GPR143: variants seen among roughly 807,000 people sequenced by gnomAD.
GPR143 encodes the protein G protein-coupled receptor 143, also known as G-protein coupled receptor 143.
GPR143 carries 8 observed loss-of-function variants against 27.6 expected under a neutral mutation model. The observed-to-expected ratio is 0.29, with a 90% CI of 0.17 to 0.52. The LOEUF is 0.52. Ranked by LOEUF, GPR143 falls within the 20% of genes least tolerant of loss-of-function variation. The probability of loss-of-function intolerance (pLI) is 0.96; values close to 1 mark genes in which losing one functional copy is unlikely to be tolerated. For missense variants in GPR143, 303 were observed against 343.1 expected, an observed-to-expected ratio of 0.88 and a Z score of 0.92; for synonymous variants, 156 against 153.2, an observed-to-expected ratio of 1.02 and a Z score of -0.13.
intron 3 of GPR143, among the ~76,000 whole-genome samples, chrX:9,749,642 C>G (rs1189607188): frequency 8.9e-6 from 1 of 112,488 alleles, no homozygotes; most frequent in Non-Finnish European, 1.9e-5. Context: ...TTTTAATATT[C>G]TGTTGAGGCA....
intron 7 of GPR143, chrX:9,741,112 A>G (rs1473501745): frequency 1.7e-5 from 5 of 291,216 alleles, no homozygotes; most frequent in Non-Finnish European, 3.0e-5. Context: ...AGATAATTAA[A>G]AAAAGAGATG....
At chrX:9,760,932 G>A in intron 1 of GPR143, 106 bp from the exon 2 acceptor site, 1 of 474,020 alleles carries the variant, frequency 2.1e-6, no homozygotes, top group Non-Finnish European at 3.8e-6. Context: ...GATAGGAAGA[G>A]AGGAAGGAAG....
intron 6 of GPR143, among the ~76,000 whole-genome samples, chrX:9,742,531 G>A (rs1242329331): frequency 8.9e-6 from 1 of 111,951 alleles, no homozygotes; most frequent in Non-Finnish European, 1.9e-5. Flanking sequence ...CACGACCCGC[G>A]CAGGTGAATT....
intron 6 of GPR143, among the ~76,000 whole-genome samples, chrX:9,742,457 G>T: frequency 1.8e-5 from 2 of 110,928 alleles, no homozygotes; most frequent in African/African-American, 6.6e-5. Flanking sequence ...GTATCGCCCA[G>T]GATGGTTTTG....
chrX:9,740,448 TTTC>T (rs1405836977), intron 7 of GPR143, among the ~76,000 whole-genome samples: 2 of 112,845 alleles, frequency 1.8e-5, no homozygotes, highest in Admixed American at 1.9e-4. Context: ...CACGTGTGCA[TTTC>T]TTCTTATAAA....
intron 6 of GPR143, 85 bp from the exon 7 acceptor site, chrX:9,741,540 A>G (rs1275664052): frequency 3.7e-6 from 2 of 541,688 alleles, no homozygotes; most frequent in Non-Finnish European, 6.7e-6. Context: ...AAGAATTTCT[A>G]CCAAGACCTA....
intron 1 of GPR143, among the ~76,000 whole-genome samples, chrX:9,778,581 A>C (rs2083578408): frequency 9.2e-6 from 1 of 109,060 alleles, no homozygotes; most frequent in African/African-American, 3.3e-5. Context: ...ATCTGACCTT[A>C]AATGTATCCA....
At chrX:9,733,993 T>C (rs2083367308) in intron 8 of GPR143, among the ~76,000 whole-genome samples, 1 of 105,280 alleles carries the variant, frequency 9.5e-6, no homozygotes, top group African/African-American at 3.5e-5. Context: ...GGCAGGAGAA[T>C]CATTTGAACC....
chrX:9,770,323 AAGAGAGAG>A (rs201287124), upstream of GPR143, among the ~76,000 whole-genome samples: 1,472 of 88,988 alleles, frequency 0.017, 15 homozygotes, highest in Non-Finnish European at 0.021. Flanking sequence ...AAGAAAGAAA[AAGAGAGAG>A]AGAGAGAGAG....
chrX:9,739,824 C>G (rs1251338647), intron 7 of GPR143, 105 bp from the exon 8 acceptor site: 2 of 578,093 alleles, frequency 3.5e-6, no homozygotes, highest in Non-Finnish European at 5.8e-6. Context: ...GCCCACAGGG[C>G]TGGACTCGCT....
At chrX:9,746,262 A>G (rs1230072313) in intron 4 of GPR143, 109 bp from the exon 5 acceptor site, 1 of 529,788 alleles carries the variant, frequency 1.9e-6, no homozygotes, top group Admixed American at 2.6e-5. Context: ...AGGGAAATGC[A>G]TAAATCTGCT....
intron 8 of GPR143, among the ~76,000 whole-genome samples, chrX:9,732,865 C>CAAA (rs34622284): frequency 6.2e-4 from 30 of 48,082 alleles, no homozygotes; most frequent in Non-Finnish European, 8.1e-4. Flanking sequence ...AACTCCATCT[C>CAAA]AAAAAAAAAA....
intron 2 of GPR143, 73 bp from the exon 3 acceptor site, chrX:9,759,499 C>T: frequency 1.4e-6 from 1 of 697,665 alleles, no homozygotes; most frequent in Non-Finnish European, 2.2e-6. Context: ...CTTGAGACGG[C>T]AGGGTAGACA....
Position 9,743,622 on chromosome X carries a change from C to T in GPR143, c.710G>A (p.Arg237Lys). ...TCGGATCTTGATCACGGCTCCCATCCTCCTCTCGTTCTCCGTGTAAATGCC... is the reference window on the plus strand; with the variant it reads ...TCGGATCTTGATCACGGCTCCCATCTTCCTCTCGTTCTCCGTGTAAATGCC... Reference protein sequence around the residue: ...RQGIYTENERRMGAVIKIRFF... With the variant: ...RQGIYTENERKMGAVIKIRFF... Residue 237 changes from arginine (R) to lysine (K), a missense_variant, in exon 6 of 9, where the codon AGG becomes AAG. Coordinates refer to ENST00000467482, the MANE Select transcript of GPR143 (RefSeq NM_000273.3). The T allele has an allele frequency of 8.4e-7, 1 of 1,194,767 alleles. No individual in the cohort carries two copies.
At chrX:9,748,080 G>T (rs1317003649) in intron 4 of GPR143, 1 of 131,116 alleles carries the variant, frequency 7.6e-6, no homozygotes, top group Non-Finnish European at 1.5e-5. Flanking sequence ...CCCTCTGTGT[G>T]GAGGATAGAA....
intron 8 of GPR143, among the ~76,000 whole-genome samples, chrX:9,729,822 G>A (rs1340217151): frequency 8.9e-6 from 1 of 112,123 alleles, no homozygotes; most frequent in Non-Finnish European, 1.9e-5. Context: ...GCAAGTCCAG[G>A]TAGGTTGTTT....
rs183508284 is a variant in GPR143 at position 9,749,879 on chromosome X, C to T, written c.456-1213G>A. On this transcript the variant is annotated intron_variant, in intron 3 of 8. Coordinates refer to ENST00000467482, the MANE Select transcript of GPR143 (RefSeq NM_000273.3). ...TCCTGAGCTCAAGCAATCCTCCCAC[C>T]TCAGCCTCCTGAGTAGCTGGGACCA... Among the ~76,000 whole-genome samples, 392 of 112,668 alleles carry T rather than the reference C, an allele frequency of 3.5e-3. 1 individual carries two copies. The highest frequency in any genetic ancestry group is 5.7e-3 in the Non-Finnish European group (302 of 53,306).
intron 1 of GPR143, among the ~76,000 whole-genome samples, chrX:9,764,510 A>G (rs1345404460): frequency 6.0e-3 from 60 of 10,029 alleles, no homozygotes; most frequent in East Asian, 0.034. Context: ...ACGCGCACAC[A>G]CACACACACA....
chrX:9,766,561 A>G (rs2083534282), upstream of GPR143, among the ~76,000 whole-genome samples: 1 of 111,718 alleles, frequency 9.0e-6, no homozygotes, highest in East Asian at 2.8e-4. Context: ...CCCCACCTCT[A>G]TTAAAAATAC....
Sources: allele counts gnomAD v4.1 joint callset (sites outside exome capture counted in the v4.1 genomes callset), GRCh38; gene constraint gnomAD v4.1.1; transcripts MANE v1.5; gene names NCBI Gene and HGNC (gene_info 2026-07-23, HGNC 2026-07-21).